Variants in COPG2 observed in about 807,000 individuals in gnomAD.
COPG2 encodes the protein coat protein complex I subunit gamma 2, also known as coatomer subunit gamma-2.
COPG2 carries 37 observed loss-of-function variants against 46.3 expected under a neutral mutation model. That is an observed-to-expected ratio of 0.80 (90% CI 0.61 to 1.05). The LOEUF (loss-of-function observed/expected upper bound fraction) is 1.05, where lower values mean the gene tolerates loss of function less well. COPG2 is among the 50% of genes least tolerant of loss of function. The pLI, the probability that COPG2 is intolerant of heterozygous loss-of-function variation, is 0.00. For missense variants in COPG2, 427 were observed against 387.8 expected (o/e 1.10, Z -0.85); for synonymous variants, 159 against 129.7 (o/e 1.23, Z -1.53).
chr7:130,615,116 C>T (rs1365225440), intron 6 of COPG2, among the ~76,000 whole-genome samples: 6 of 152,146 alleles, frequency 3.9e-5, no homozygotes, highest in Admixed American at 1.3e-4. Flanking sequence ...GTCATGGATA[C>T]GGTCCTTGGC....
intron 4 of COPG2, among the ~76,000 whole-genome samples, chr7:130,653,776 G>A (rs1795796287): frequency 2.0e-5 from 3 of 152,168 alleles, no homozygotes; most frequent in Admixed American, 1.3e-4. Context: ...CCAAGCTATG[G>A]AGAAAACCTT....
intron 9 of COPG2, chr7:130,607,435 C>T (rs1554451429): frequency 2.6e-5 from 11 of 424,118 alleles, no homozygotes; most frequent in Non-Finnish European, 4.7e-5. Context: ...CAATTTTTAC[C>T]ATCTATTAAA....
rs1369716951 is a variant in COPG2, at chr7:130,564,434, T to C, written c.738-41A>G. The stretch of plus-strand genomic sequence containing the variant: ...TATAGGCCATTATTTAGATATCAAA[T>C]AGAGAGGCAATATGCATAGGGATTA... On this transcript the variant is annotated intron_variant, in intron 9 of 23. Transcript: ENST00000425248. 7.8e-5 allele frequency: 31 copies of C among 398,308 alleles called. No homozygotes were observed. In the East Asian group the frequency reaches 1.1e-3, roughly 14 times the overall value. The allele number at this position is 398,308 out of a possible 1,614,324, so 24.7% of individuals were successfully genotyped here. A position where few individuals can be genotyped will look rare whatever the true frequency, so the allele number is the denominator to read the frequency against.
chr7:130,605,203 C>A (rs782040694), intron 9 of COPG2: 6 of 519,990 alleles, frequency 1.2e-5, no homozygotes, highest in African/African-American at 9.6e-5. Context: ...TCTTCAAATT[C>A]ACTAACTCTC....
chr7:130,580,561 G>T (rs1794117046), intron 9 of COPG2, among the ~76,000 whole-genome samples: 1 of 132,994 alleles, frequency 7.5e-6, no homozygotes, highest in Non-Finnish European at 1.6e-5. Flanking sequence ...CCAGGAGCTG[G>T]TTTTTTGAAA....
chr7:130,533,846 G>T (rs1420013379), intron 20 of COPG2, among the ~76,000 whole-genome samples: 1 of 152,006 alleles, frequency 6.6e-6, no homozygotes, highest in African/African-American at 2.4e-5. Flanking sequence ...GATGGCTGGT[G>T]AAAGGGTCCA....
intron 5 of COPG2, among the ~76,000 whole-genome samples, chr7:130,643,535 GAACTTC>G (rs1260803837): frequency 2.6e-5 from 4 of 152,234 alleles, no homozygotes; most frequent in African/African-American, 7.2e-5. Context: ...GTTGGTTTGA[GAACTTC>G]AACTTCAACG....
intron 5 of COPG2, among the ~76,000 whole-genome samples, chr7:130,640,156 A>AG: frequency 8.9e-6 from 1 of 111,852 alleles, no homozygotes; most frequent in Admixed American, 1.0e-4. Flanking sequence ...GTCACCACCA[A>AG]CCTTTTTTTT....
intron 9 of COPG2, chr7:130,604,715 T>C (rs1289220247): frequency 1.9e-6 from 1 of 517,108 alleles, no homozygotes; most frequent in South Asian, 1.4e-5. Flanking sequence ...ATTTAAAAAA[T>C]AAAAATAGCA....
chr7:130,575,216 T>G lies in COPG2; in HGVS notation c.738-10823A>C, dbSNP rs996338270. On this transcript the variant is annotated intron_variant, in intron 9 of 23. Transcript: ENST00000425248. ...GAAGCACAAAGAACACCTGGGAAAT[T>G]CATTGCAAAAGGATCATCACTTAGG... Among the ~76,000 whole-genome samples, 5 of 152,128 alleles carry G rather than the reference T, an allele frequency of 3.3e-5. No homozygotes were observed. In the South Asian group the frequency reaches 1.0e-3, roughly 31 times the overall value.
intron 20 of COPG2, among the ~76,000 whole-genome samples, chr7:130,528,305 T>C (rs1799792854): frequency 6.6e-6 from 1 of 151,862 alleles, no homozygotes; most frequent in Non-Finnish European, 1.5e-5. Context: ...CAGAGTGTTT[T>C]CACAAGAATG....
intron 9 of COPG2, among the ~76,000 whole-genome samples, chr7:130,571,831 C>T (rs1417488698): frequency 9.8e-5 from 13 of 132,754 alleles, no homozygotes; most frequent in East Asian, 4.0e-4. Flanking sequence ...AAAGAAAATG[C>T]GCCCTCTCTC....
chr7:130,543,789 T>C lies in COPG2; in HGVS notation c.2149+3885A>G, dbSNP rs1029960233. ...ATGATTAAGTTGCATTCTGTAGAGA[T>C]AGGATCATTTAAGTCAAGTCAGCAA... On this transcript the variant is annotated intron_variant, in intron 20 of 23. Transcript: ENST00000425248. Among the ~76,000 whole-genome samples the C allele has an allele frequency of 1.3e-3, 194 of 152,238 alleles. 2 individuals carry two copies. Among genetic ancestry groups the C allele is most frequent in the African/African-American group, 4.1e-3 (171 of 41,534 alleles).
chr7:130,537,676 A>G (rs929390139), intron 20 of COPG2, among the ~76,000 whole-genome samples: 41 of 152,270 alleles, frequency 2.7e-4, no homozygotes, highest in African/African-American at 9.6e-4. Context: ...TACAGAGGTG[A>G]GCTTGTTGAG....
At position 130,613,586 on chromosome 7, in the gene COPG2, ATCCACAAT is replaced by A; in HGVS notation, c.442_449del (p.Ile148Ter). On this transcript the variant is annotated frameshift_variant, in exon 7 of 24. Coordinates refer to ENST00000425248, the MANE Select transcript of COPG2 (RefSeq NM_012133.6). LOFTEE classifies it high-confidence loss of function. ...CTGAACTGGATACACTGGAAACTTT[ATCCACAAT>A]GGCCTGCTTCATGTATCTTTCAATG... The A allele has an allele frequency of 1.0e-5, 16 of 1,602,510 alleles. No individual in the cohort carries two copies. The highest frequency in any genetic ancestry group is 1.4e-5 in the Non-Finnish European group (16 of 1,173,864).
At chr7:130,642,223 A>T (rs1795505608) in intron 5 of COPG2, among the ~76,000 whole-genome samples, 1 of 144,042 alleles carries the variant, frequency 6.9e-6, no homozygotes, top group African/African-American at 2.6e-5. Flanking sequence ...ACATTTAGTT[A>T]GTTAAGACAC....
chr7:130,587,228 A>G (rs1794293795), intron 9 of COPG2, among the ~76,000 whole-genome samples: 1 of 151,946 alleles, frequency 6.6e-6, no homozygotes, highest in African/African-American at 2.4e-5. Flanking sequence ...AATCGCTGGA[A>G]CACAGAAGGT....
At chr7:130,564,889 T>A (rs1276980230) in intron 9 of COPG2, among the ~76,000 whole-genome samples, 1 of 152,150 alleles carries the variant, frequency 6.6e-6, no homozygotes, top group Non-Finnish European at 1.5e-5. Context: ...TTCACCTGAC[T>A]CAAGAGCTCA....
chr7:130,539,221 A>C (rs1799912511), intron 20 of COPG2, among the ~76,000 whole-genome samples: 3 of 152,168 alleles, frequency 2.0e-5, no homozygotes, highest in Admixed American at 2.0e-4. Flanking sequence ...GCAGGGGTGC[A>C]TGGGCTCACT....
Sources: allele counts gnomAD v4.1 joint callset (sites outside exome capture counted in the v4.1 genomes callset), GRCh38; gene constraint gnomAD v4.1.1; transcripts MANE v1.5; gene names NCBI Gene and HGNC (gene_info 2026-07-23, HGNC 2026-07-21).